TPGS1: variants seen among roughly 807,000 people sequenced by gnomAD.
TPGS1 encodes the protein tubulin polyglutamylase complex subunit 1.
A neutral mutation model predicts 11.9 loss-of-function variants in TPGS1; 18 were observed. That is an observed-to-expected ratio of 1.51 (90% CI 1.04 to 2.24). The LOEUF (loss-of-function observed/expected upper bound fraction) is 2.24. Among genes scored for constraint, TPGS1 ranks in the 30% most tolerant of loss-of-function variants. The pLI is 0.00. For missense variants in TPGS1, 500 were observed against 443.0 expected, an observed-to-expected ratio of 1.13 and a Z score of -1.16; for synonymous variants, 247 against 218.2, an observed-to-expected ratio of 1.13 and a Z score of -1.16.
Position 519,145 on chromosome 19 carries a change from G to A in TPGS1, c.595G>A (p.Gly199Ser). 3 of 1,514,170 alleles carry A rather than the reference G, an allele frequency of 2.0e-6. No individual in the cohort carries two copies. Among genetic ancestry groups the A allele is most frequent in the Non-Finnish European group, 2.6e-6 (3 of 1,138,804 alleles). 93.8% of individuals were successfully genotyped at this position (1,514,170 alleles called of 1,614,324 possible). Reference protein sequence around the residue: ...FVLLEFVARAGALFQLLEDSA... With the variant: ...FVLLEFVARASALFQLLEDSA... ...GCTGCTGGAGTTCGTGGCGCGCGCC[G>A]GCGCGCTCTTCCAGCTGCTGGAGGA... The change falls in exon 2 of 2, where the codon GGC (glycine) becomes AGC (serine). Residue 199 changes from glycine to serine, a missense_variant. Gly to Ser is a moderately conservative substitution (Grantham distance 56). Coordinates refer to ENST00000359315, the MANE Select transcript of TPGS1 (RefSeq NM_033513.3).
Position 519,030 on chromosome 19 carries a change from G to C in TPGS1, c.480G>C (p.Val160=). The C allele has an allele frequency of 6.4e-7, 1 of 1,556,902 alleles. No individual in the cohort carries two copies. Among genetic ancestry groups the C allele is most frequent in the Non-Finnish European group, 8.6e-7 (1 of 1,157,840 alleles). ...GGGACGGCCAAGCCCCCGAGGAGGT[G>C]GTGGCGCCGCTGCTGCGCAAGGTGC... is the stretch of plus-strand genomic sequence containing the variant. ...ICRDGQAPEE[V]VAPLLRKVQC... is the part of the protein sequence containing the mutation. Residue 160 remains valine (V), a synonymous_variant, in exon 2 of 2, where the codon GTG becomes GTC. Transcript: ENST00000359315.
chr19:511,317 G>A (rs1007867527), intron 1 of TPGS1, among the ~76,000 whole-genome samples: 3 of 152,264 alleles, frequency 2.0e-5, no homozygotes, highest in Non-Finnish European at 4.4e-5. Context: ...GTATGCGGCC[G>A]CCTTGAAGTG....
rs529656684 is a variant in TPGS1 at position 513,824 on chromosome 19, A to C, written c.339-5065A>C. ...CACATTTACTGAGCACCTACTGCAC[A>C]CTGGCCCCACATTTACTGAGCACCT... On this transcript the variant is annotated intron_variant, in intron 1 of 1. Coordinates refer to ENST00000359315, the MANE Select transcript of TPGS1 (RefSeq NM_033513.3). 3.3e-5 allele frequency among the ~76,000 whole-genome samples: 5 copies of C among 150,712 alleles called. No individual in the cohort carries two copies. In the South Asian group the frequency reaches 8.4e-4, roughly 25 times the overall value.
At chr19:510,129 T>G (rs943062999) in intron 1 of TPGS1, 1 of 152,300 alleles carries the variant, frequency 6.6e-6, no homozygotes, top group African/African-American at 2.4e-5. Flanking sequence ...ATCCCAGCAC[T>G]TTGGGAGGCC....
chr19:510,287 G>GCT, intron 1 of TPGS1: 1 of 152,088 alleles, frequency 6.6e-6, no homozygotes, highest in African/African-American at 2.4e-5. Context: ...GCAGGAGAAT[G>GCT]GCATGAACCC....
At chr19:512,269 T>G (rs907876680) in intron 1 of TPGS1, among the ~76,000 whole-genome samples, 1 of 152,236 alleles carries the variant, frequency 6.6e-6, no homozygotes, top group African/African-American at 2.4e-5. Context: ...GCTCAAGGGA[T>G]CCTCCCACCT....
chr19:508,518 T>TG (rs913485689), intron 1 of TPGS1: 13 of 151,168 alleles, frequency 8.6e-5, no homozygotes, highest in Admixed American at 1.3e-4. Context: ...GGAAGGTGGT[T>TG]GGGGACTATC....
intron 1 of TPGS1, among the ~76,000 whole-genome samples, chr19:517,400 G>GC (rs1978984461): frequency 8.1e-5 from 1 of 12,316 alleles, no homozygotes; most frequent in African/African-American, 4.6e-4. Context: ...GAGGGGGGAG[G>GC]CCAGGCTGGG....
intron 1 of TPGS1, among the ~76,000 whole-genome samples, chr19:516,708 C>T (rs1978966019): frequency 6.6e-6 from 1 of 152,160 alleles, no homozygotes; most frequent in Admixed American, 6.5e-5. Context: ...TTGAGAAAAA[C>T]ATGTCTTACA....
intron 1 of TPGS1, among the ~76,000 whole-genome samples, chr19:511,045 A>G (rs1391577725): frequency 6.6e-6 from 1 of 152,266 alleles, no homozygotes; most frequent in Non-Finnish European, 1.5e-5. Context: ...TTCCATAAAT[A>G]GAATCTTTCC....
Position 519,609 on chromosome 19 carries a change from C to G in TPGS1, c.*186C>G. The stretch of plus-strand genomic sequence containing the variant: ...AGCGCCGCGGCCGCCCCTCCACCCC[C>G]GCGGGAGCCCCTGCCCCACGCTAAT... On this transcript the variant is annotated 3_prime_UTR_variant, in exon 2 of 2. Coordinates refer to ENST00000359315, the MANE Select transcript of TPGS1 (RefSeq NM_033513.3). The G allele has an allele frequency of 2.6e-6, 1 of 381,838 alleles. No individual in the cohort carries two copies. The highest frequency in any genetic ancestry group is 4.3e-6 in the Non-Finnish European group (1 of 235,274). 23.7% of individuals were successfully genotyped at this position (381,838 alleles called of 1,614,324 possible). A position where few individuals can be genotyped will look rare whatever the true frequency, so the allele number is the denominator to read the frequency against.
rs556180413 is a variant in TPGS1 at position 510,552 on chromosome 19, G to A, written c.338+2708G>A. On this transcript the variant is annotated intron_variant, in intron 1 of 1. Transcript: ENST00000359315. The stretch of plus-strand genomic sequence containing the variant: ...CTTCTTTTGAGAAATGGCAAGCTCC[G>A]GCCGCCAGGGCTGGTGATGGCAGCC... 5.3e-5 allele frequency among the ~76,000 whole-genome samples: 8 copies of A among 152,236 alleles called. No homozygotes were observed. The East Asian group carries it at 1.2e-3, about 22-fold the overall frequency.
chr19:511,173 C>T (rs1281218796), intron 1 of TPGS1, among the ~76,000 whole-genome samples: 1 of 152,266 alleles, frequency 6.6e-6, no homozygotes, highest in Non-Finnish European at 1.5e-5. Flanking sequence ...GGCCCAGAGG[C>T]CACCGTCACA....
At chr19:509,529 C>T (rs1433293726) in intron 1 of TPGS1, 3 of 152,360 alleles carry the variant, frequency 2.0e-5, no homozygotes, top group Non-Finnish European at 2.9e-5. Context: ...CACACTCCCT[C>T]TGGAGGCTCC....
chr19:507,874 G>T lies in TPGS1; in HGVS notation c.338+30G>T, dbSNP rs1033832102. On this transcript the variant is annotated intron_variant, in intron 1 of 1. Coordinates refer to ENST00000359315, the MANE Select transcript of TPGS1 (RefSeq NM_033513.3). ...GCAGTGGGCCGGCTTGGGCGGGTGG[G>T]GCAGCGATGGACTTCAACTCCCAGC... 21 of 1,300,988 alleles carry T rather than the reference G, an allele frequency of 1.6e-5. No homozygotes were observed. The Admixed American group carries it at 6.1e-4, about 38-fold the overall frequency. The allele number at this position is 1,300,988 out of a possible 1,614,324, so 80.6% of individuals were successfully genotyped here.
At chr19:513,104 G>C (rs1173404657) in intron 1 of TPGS1, among the ~76,000 whole-genome samples, 2 of 152,184 alleles carry the variant, frequency 1.3e-5, no homozygotes, top group Non-Finnish European at 2.9e-5. Flanking sequence ...CTCTAGGTTT[G>C]GGGTGTGATC....
intron 1 of TPGS1, among the ~76,000 whole-genome samples, chr19:511,781 C>T (rs959612647): frequency 9.9e-5 from 15 of 152,236 alleles, no homozygotes; most frequent in Non-Finnish European, 1.8e-4. Context: ...TCAGAAGCTG[C>T]GAGCACGACA....
intron 1 of TPGS1, among the ~76,000 whole-genome samples, chr19:511,169 G>T (rs913973049): frequency 2.0e-5 from 3 of 152,242 alleles, no homozygotes; most frequent in African/African-American, 7.2e-5. Context: ...CCAAGGCCCA[G>T]AGGCCACCGT....
At position 519,125 on chromosome 19, in the gene TPGS1, T is replaced by C; in HGVS notation, c.575T>C (p.Leu192Pro). ...GGCACACTCACCTGCTTCGTGCTGC[T>C]GGAGTTCGTGGCGCGCGCCGGCGCG... ...RAGTLTCFVL[L>P]EFVARAGALF... The change falls in exon 2 of 2, where the codon CTG becomes CCG. Residue 192 changes from leucine to proline, a missense_variant. Transcript: ENST00000359315. 3 of 1,522,654 alleles carry C rather than the reference T, an allele frequency of 2.0e-6. No individual in the cohort carries two copies. Among genetic ancestry groups the C allele is most frequent in the African/African-American group, 1.4e-5 (1 of 70,300 alleles). 94.3% of individuals were successfully genotyped at this position (1,522,654 alleles called of 1,614,324 possible).
Sources: gnomAD v4.1 joint callset for allele counts (sites outside exome capture counted in the v4.1 genomes callset) on GRCh38, gnomAD v4.1.1 for gene constraint, MANE v1.5 for transcripts, NCBI Gene and HGNC (gene_info 2026-07-23, HGNC 2026-07-21) for gene names.